SYTL2: variants seen among roughly 807,000 people sequenced by gnomAD.
The protein encoded by SYTL2 is synaptotagmin-like protein 2.
Under a neutral mutation model 198.7 loss-of-function variants are expected in SYTL2, and 165 were observed. That is an observed-to-expected ratio of 0.83 (90% confidence interval 0.73 to 0.94). SYTL2 has a LOEUF of 0.94. Ranked by LOEUF, SYTL2 falls within the 40% of genes least tolerant of loss-of-function variation. The pLI, the probability that SYTL2 is intolerant of heterozygous loss-of-function variation, is 0.00. For missense variants in SYTL2, 2,835 were observed against 2,582.8 expected (o/e 1.10, Z -2.12); for synonymous variants, 966 against 917.7 (o/e 1.05, Z -0.95).
the SYTL2 span, among the ~76,000 whole-genome samples, chr11:85,849,562 G>A: frequency 3.9e-5 from 6 of 151,930 alleles, no homozygotes; most frequent in Non-Finnish European, 7.4e-5. Context: ...CCCATTGCTT[G>A]TTTTTCTCAG....
At chr11:85,709,287 G>C in intron 14 of SYTL2, 44 bp downstream of exon 14, 1 of 1,582,854 alleles carries the variant, frequency 6.3e-7, no homozygotes, top group Non-Finnish European at 8.7e-7. Flanking sequence ...AAGATTGACA[G>C]TTGGAGAACT....
intron 1 of SYTL2, among the ~76,000 whole-genome samples, chr11:85,768,524 A>T (rs2092291647): frequency 6.6e-6 from 1 of 152,224 alleles, no homozygotes; most frequent in Admixed American, 6.5e-5. Context: ...TAAGTGCTCC[A>T]TAAACACCTA....
At chr11:85,762,205 C>T (rs510948) in intron 1 of SYTL2, among the ~76,000 whole-genome samples, 113,545 of 152,104 alleles carry the variant, frequency 0.75, 42,901 homozygotes, top group African/African-American at 0.86. Flanking sequence ...GACCCAGACC[C>T]GGCAGTCAGA....
chr11:85,727,924 T>C lies in SYTL2; in HGVS notation c.1434A>G (p.Pro478=). Residue 478 remains proline (P), a synonymous_variant, in exon 8 of 20, where the codon CCA becomes CCG. Coordinates refer to ENST00000359152, the MANE Select transcript of SYTL2 (RefSeq NM_206927.4). ...GCTGACGGTCTCTAGAACTGCCACC[T>C]GGCACCTGAGATGGCTCAGGCTCAA... ...HCVEPEPSQV[P]GGSSRDRQQG... is the part of the protein sequence containing the mutation. 1 of 1,613,328 alleles carries C rather than the reference T, an allele frequency of 6.2e-7. No homozygotes were observed. The highest frequency in any genetic ancestry group is 1.1e-5 in the South Asian group (1 of 90,932).
chr11:85,798,677 G>A (rs1490496693), intron 1 of SYTL2, among the ~76,000 whole-genome samples: 1 of 152,172 alleles, frequency 6.6e-6, no homozygotes, highest in Middle Eastern at 3.2e-3. Context: ...ATAAAACTGG[G>A]TGGGAGCTCC....
At chr11:85,826,172 T>C in the SYTL2 span, among the ~76,000 whole-genome samples, 1 of 152,172 alleles carries the variant, frequency 6.6e-6, no homozygotes, top group Non-Finnish European at 1.5e-5. Context: ...ACCTATAATT[T>C]TGGCCAGATC....
intron 4 of SYTL2, among the ~76,000 whole-genome samples, chr11:85,743,277 T>C (rs556327903): frequency 2.2e-4 from 33 of 152,342 alleles, no homozygotes; most frequent in African/African-American, 7.9e-4. Flanking sequence ...AGGAACTTGA[T>C]ACTGAGTAAG....
At chr11:85,738,840 T>A (rs1248987068) in intron 4 of SYTL2, among the ~76,000 whole-genome samples, 2 of 152,164 alleles carry the variant, frequency 1.3e-5, no homozygotes, top group African/African-American at 4.8e-5. Flanking sequence ...ACCTGTCTTT[T>A]TCCACCATCT....
chr11:85,806,217 T>C (rs1311397002), intron 1 of SYTL2, among the ~76,000 whole-genome samples: 1 of 152,236 alleles, frequency 6.6e-6, no homozygotes, highest in Non-Finnish European at 1.5e-5. Flanking sequence ...AGGGGCTCAA[T>C]CTTTTCCTAA....
rs533752054 is a variant in SYTL2 at position 85,733,030 on chromosome 11, T to G, written c.1390+909A>C. Among the ~76,000 whole-genome samples the G allele has an allele frequency of 3.9e-5, 6 of 152,286 alleles. No homozygotes were observed. The South Asian group carries it at 1.2e-3, about 32-fold the overall frequency. On this transcript the variant is annotated intron_variant, in intron 7 of 19. Coordinates refer to ENST00000359152, the MANE Select transcript of SYTL2 (RefSeq NM_206927.4). ...TAGTTAGCAGGGAAAAGCAGTACCCTCATTGCCTCTCAACTCACACAAGCT... is the reference window on the plus strand; with the variant it reads ...TAGTTAGCAGGGAAAAGCAGTACCCGCATTGCCTCTCAACTCACACAAGCT...
At chr11:85,816,698 A>C in the SYTL2 span, among the ~76,000 whole-genome samples, 62,631 of 152,002 alleles carry the variant, frequency 0.41, 13,594 homozygotes, top group Non-Finnish European at 0.46. Context: ...ACGCTTGAGC[A>C]CAGGAGTTTG....
intron 1 of SYTL2, among the ~76,000 whole-genome samples, chr11:85,810,739 G>A (rs1242561482): frequency 2.0e-5 from 3 of 152,338 alleles, no homozygotes; most frequent in Admixed American, 1.3e-4. Flanking sequence ...CCTGGGCAGC[G>A]GAGGTGGCTC....
At chr11:85,752,044 C>T (rs1301225775) in intron 2 of SYTL2, among the ~76,000 whole-genome samples, 1 of 152,172 alleles carries the variant, frequency 6.6e-6, no homozygotes, top group Non-Finnish European at 1.5e-5. Flanking sequence ...ACACATTTGC[C>T]CTCAGCCTAC....
chr11:85,784,121 T>C (rs150850514), intron 1 of SYTL2, among the ~76,000 whole-genome samples: 2 of 152,210 alleles, frequency 1.3e-5, no homozygotes, highest in African/African-American at 4.8e-5. Context: ...ACAAGGTAAC[T>C]GGAAATTCAT....
the SYTL2 span, among the ~76,000 whole-genome samples, chr11:85,840,384 T>C: frequency 6.6e-6 from 1 of 152,186 alleles, no homozygotes; most frequent in Non-Finnish European, 1.5e-5. Flanking sequence ...TCTGGAGATT[T>C]TCCCCAATGT....
intron 1 of SYTL2, among the ~76,000 whole-genome samples, chr11:85,760,147 GT>G (rs1431713403): frequency 2.0e-5 from 3 of 152,186 alleles, no homozygotes; most frequent in Admixed American, 6.5e-5. Context: ...AGAAGAGCTT[GT>G]CCCAGTTATT....
intron 1 of SYTL2, among the ~76,000 whole-genome samples, chr11:85,809,870 G>A (rs1006654371): frequency 4.6e-5 from 7 of 152,226 alleles, no homozygotes; most frequent in African/African-American, 1.2e-4. Flanking sequence ...CAGAACTTCA[G>A]GGGTGGAGGA....
chr11:85,721,800 G>A (rs2088350923), intron 8 of SYTL2, among the ~76,000 whole-genome samples: 2 of 152,142 alleles, frequency 1.3e-5, no homozygotes, highest in African/African-American at 2.4e-5. Flanking sequence ...ATTCTAAGAT[G>A]AATTAGATTT....
chr11:85,749,741 T>C (rs1024405735), intron 2 of SYTL2, among the ~76,000 whole-genome samples: 18 of 152,226 alleles, frequency 1.2e-4, no homozygotes, highest in African/African-American at 4.3e-4. Flanking sequence ...CTTTCAACAC[T>C]GTTTTCAGCA....
Sources: allele counts gnomAD v4.1 joint callset (sites outside exome capture counted in the v4.1 genomes callset), GRCh38; gene constraint gnomAD v4.1.1; transcripts MANE v1.5; gene names NCBI Gene and HGNC (gene_info 2026-07-23, HGNC 2026-07-21).